Variants in FHIT observed in about 807,000 individuals in gnomAD.
FHIT encodes the protein bis(5'-adenosyl)-triphosphatase.
Under a neutral mutation model 17.9 loss-of-function variants are expected in FHIT, and 19 were observed. The observed-to-expected ratio is 1.06, with a 90% CI of 0.74 to 1.56. The LOEUF is 1.56. Among genes scored for constraint, FHIT ranks in the 40% most tolerant of loss-of-function variants. The pLI is 0.00. For missense variants in FHIT, 248 were observed against 189.2 expected, an observed-to-expected ratio of 1.31 and a Z score of -1.82; for synonymous variants, 81 against 69.7, an observed-to-expected ratio of 1.16 and a Z score of -0.81.
At chr3:60,710,956 G>C (rs913471723) in intron 4 of FHIT, among the ~76,000 whole-genome samples, 2 of 152,208 alleles carry the variant, frequency 1.3e-5, no homozygotes, top group African/African-American at 4.8e-5. Context: ...ATCTGAGAAT[G>C]GGCAGACTGC....
chr3:60,432,426 T>C (rs1022288516), intron 5 of FHIT, among the ~76,000 whole-genome samples: 8 of 152,120 alleles, frequency 5.3e-5, no homozygotes, highest in African/African-American at 1.9e-4. Flanking sequence ...GGGAACATGC[T>C]TCCATCCATA....
intron 8 of FHIT, among the ~76,000 whole-genome samples, chr3:59,781,947 GC>G (rs1702606282): frequency 6.6e-6 from 1 of 152,174 alleles, no homozygotes; most frequent in Non-Finnish European, 1.5e-5. Flanking sequence ...CATGACATAT[GC>G]TCTAGATTTG....
chr3:59,773,612 C>G (rs144756261), intron 8 of FHIT, among the ~76,000 whole-genome samples: 3 of 152,136 alleles, frequency 2.0e-5, no homozygotes, highest in Non-Finnish European at 4.4e-5. Context: ...ACGAAGCCTT[C>G]CTGGAGCACC....
intron 2 of FHIT, among the ~76,000 whole-genome samples, chr3:61,104,056 G>C (rs1041290667): frequency 7.9e-5 from 12 of 152,146 alleles, no homozygotes; most frequent in African/African-American, 2.9e-4. Flanking sequence ...GGGGCATTTA[G>C]TCCATTTACA....
intron 4 of FHIT, among the ~76,000 whole-genome samples, chr3:60,609,680 T>G (rs2038722519): frequency 6.6e-6 from 1 of 152,112 alleles, no homozygotes; most frequent in Non-Finnish European, 1.5e-5. Flanking sequence ...TCACTAGGCT[T>G]AGGCAAGTAC....
At chr3:60,101,918 T>C (rs1302168027) in intron 5 of FHIT, among the ~76,000 whole-genome samples, 1 of 152,228 alleles carries the variant, frequency 6.6e-6, no homozygotes, top group Non-Finnish European at 1.5e-5. Flanking sequence ...CTGTTGCCTC[T>C]CGCTAGGATG....
Position 60,167,292 on chromosome 3 carries a change from A to T in FHIT, c.104-153140T>A, listed in dbSNP as rs557122349. 2.6e-5 allele frequency among the ~76,000 whole-genome samples: 4 copies of T among 152,346 alleles called. No homozygotes were observed. In the South Asian group the frequency reaches 8.3e-4, roughly 32 times the overall value. On this transcript the variant is annotated intron_variant, in intron 5 of 9. Coordinates refer to ENST00000492590, the MANE Select transcript of FHIT (RefSeq NM_002012.4). ...AACAATAGAAGTATGATGCTTGATA[A>T]CTATTTGTTGACTAAAATAATACAT...
chr3:61,218,989 C>T (rs1165387085), intron 1 of FHIT, among the ~76,000 whole-genome samples: 1 of 152,132 alleles, frequency 6.6e-6, no homozygotes, highest in African/African-American at 2.4e-5. Flanking sequence ...GTGCAAACAT[C>T]ACTGCATGTA....
chr3:61,195,686 A>T (rs2106641668), intron 2 of FHIT, among the ~76,000 whole-genome samples: 1 of 152,320 alleles, frequency 6.6e-6, no homozygotes, highest in South Asian at 2.1e-4. Context: ...ATTTGTAAGT[A>T]ATATAATGAT....
At chr3:59,811,330 C>T (rs1485917734) in intron 8 of FHIT, among the ~76,000 whole-genome samples, 1 of 152,224 alleles carries the variant, frequency 6.6e-6, no homozygotes, top group Non-Finnish European at 1.5e-5. Context: ...TCAGCTTCTG[C>T]TTTTGTGTAG....
chr3:60,164,537 C>G (rs1701075808), intron 5 of FHIT, among the ~76,000 whole-genome samples: 1 of 152,054 alleles, frequency 6.6e-6, no homozygotes, highest in African/African-American at 2.4e-5. Flanking sequence ...TACAGAGGCC[C>G]TTTTGACATT....
chr3:61,021,406 C>A (rs541645257), intron 3 of FHIT, among the ~76,000 whole-genome samples: 17 of 145,588 alleles, frequency 1.2e-4, no homozygotes, highest in Non-Finnish European at 2.3e-4. Context: ...GAGACCATCC[C>A]AGCTAAAACG....
At chr3:60,005,387 G>A (rs1376610436) in intron 7 of FHIT, among the ~76,000 whole-genome samples, 1 of 152,146 alleles carries the variant, frequency 6.6e-6, no homozygotes, top group African/African-American at 2.4e-5. Flanking sequence ...AAGGAGACAG[G>A]CAGGCCCCCA....
Position 60,074,008 on chromosome 3 carries a change from G to T in FHIT, c.104-59856C>A, listed in dbSNP as rs570842075. On this transcript the variant is annotated intron_variant, in intron 5 of 9. Coordinates refer to ENST00000492590, the MANE Select transcript of FHIT (RefSeq NM_002012.4). Reference sequence around the variant, plus strand: ...ATTCCTTTGATATCAGACTTGATTTGGCTTAAGACATGTGAATGGAGCAGG... The same window carrying T: ...ATTCCTTTGATATCAGACTTGATTTTGCTTAAGACATGTGAATGGAGCAGG... 4.6e-5 allele frequency among the ~76,000 whole-genome samples: 7 copies of T among 152,136 alleles called. No homozygotes were observed. In the East Asian group the frequency reaches 1.2e-3, roughly 25 times the overall value.
intron 1 of FHIT, among the ~76,000 whole-genome samples, chr3:61,207,563 T>A (rs4402933): frequency 6.6e-6 from 1 of 151,936 alleles, no homozygotes; most frequent in Non-Finnish European, 1.5e-5. Context: ...TGTATGTGTC[T>A]GGGAATTTAT....
At chr3:60,360,068 T>C (rs568842583) in intron 5 of FHIT, among the ~76,000 whole-genome samples, 5 of 151,666 alleles carry the variant, frequency 3.3e-5, no homozygotes, top group Admixed American at 6.6e-5. Flanking sequence ...ATGTGCAGGT[T>C]TGAAAGTTCC....
chr3:59,872,415 T>C (rs73839552), intron 8 of FHIT, among the ~76,000 whole-genome samples: 3,148 of 152,292 alleles, frequency 0.021, 106 homozygotes, highest in African/African-American at 0.071. Flanking sequence ...GCAGTACTTA[T>C]TTAAAACATG....
chr3:61,027,594 T>C (rs1017644849), intron 3 of FHIT, among the ~76,000 whole-genome samples: 1 of 152,210 alleles, frequency 6.6e-6, no homozygotes, highest in African/African-American at 2.4e-5. Flanking sequence ...ATGGAGAATA[T>C]GCAGATTAAC....
At chr3:61,126,767 G>T (rs966181603) in intron 2 of FHIT, among the ~76,000 whole-genome samples, 1 of 152,304 alleles carries the variant, frequency 6.6e-6, no homozygotes, top group South Asian at 2.1e-4. Flanking sequence ...CGGAAGGAGC[G>T]TGGGGAGAGT....
Sources: allele counts gnomAD v4.1 joint callset (sites outside exome capture counted in the v4.1 genomes callset), GRCh38; gene constraint gnomAD v4.1.1; transcripts MANE v1.5; gene names NCBI Gene and HGNC (gene_info 2026-07-23, HGNC 2026-07-21).